Variants in RALGPS1 observed in about 807,000 individuals in gnomAD.
RALGPS1 encodes the protein Ral GEF with PH domain and SH3 binding motif 1.
Under a neutral mutation model 78.8 loss-of-function variants are expected in RALGPS1, and 19 were observed. The observed-to-expected ratio is 0.24, with a 90% confidence interval of 0.17 to 0.35. The LOEUF (loss-of-function observed/expected upper bound fraction) is 0.35, where lower values mean the gene tolerates loss of function less well. Among genes scored for constraint, RALGPS1 ranks in the 10% least tolerant of loss-of-function variants. The pLI is 1.00. For missense variants in RALGPS1, 454 were observed against 688.3 expected, an observed-to-expected ratio of 0.66 and a Z score of 3.81; for synonymous variants, 228 against 256.3, an observed-to-expected ratio of 0.89 and a Z score of 1.06.
At chr9:127,107,017 G>A (rs933394786) in intron 8 of RALGPS1, 2 of 152,222 alleles carry the variant, frequency 1.3e-5, no homozygotes, top group African/African-American at 4.8e-5. Flanking sequence ...GATGAACAAG[G>A]GGCTGAGCTT....
intron 5 of RALGPS1, among the ~76,000 whole-genome samples, chr9:127,036,853 A>G (rs971551249): frequency 3.9e-5 from 6 of 152,224 alleles, no homozygotes; most frequent in Admixed American, 3.9e-4. Flanking sequence ...TTCCTCCAGA[A>G]AACTGCAGAG....
At chr9:127,129,269 G>A (rs1404030810) in intron 8 of RALGPS1, among the ~76,000 whole-genome samples, 2 of 152,158 alleles carry the variant, frequency 1.3e-5, no homozygotes, top group Non-Finnish European at 2.9e-5. Context: ...TTGCTGGTTT[G>A]CTTTGTTTCT....
chr9:127,192,127 T>G (rs2061098439), intron 11 of RALGPS1, among the ~76,000 whole-genome samples: 1 of 152,200 alleles, frequency 6.6e-6, no homozygotes, highest in African/African-American at 2.4e-5. Flanking sequence ...GAAGCTGTGC[T>G]TGGGTTAGAT....
intron 4 of RALGPS1, chr9:126,978,151 C>G (rs139473181): frequency 1.9e-5 from 3 of 157,908 alleles, no homozygotes; most frequent in Non-Finnish European, 4.2e-5. Flanking sequence ...TTTTTGAAAC[C>G]AGTTGCCGAA....
chr9:127,150,192 C>G (rs2058339381), intron 8 of RALGPS1, among the ~76,000 whole-genome samples: 2 of 152,206 alleles, frequency 1.3e-5, no homozygotes, highest in Admixed American at 6.5e-5. Flanking sequence ...GGTCACCATT[C>G]CCAGCATTCT....
chr9:127,147,078 G>C (rs1487685358), intron 8 of RALGPS1, among the ~76,000 whole-genome samples: 1 of 152,110 alleles, frequency 6.6e-6, no homozygotes, highest in Non-Finnish European at 1.5e-5. Context: ...CATTCTGACT[G>C]GTGTGAAATG....
intron 8 of RALGPS1, among the ~76,000 whole-genome samples, chr9:127,120,536 G>T (rs2055939359): frequency 6.6e-6 from 1 of 152,190 alleles, no homozygotes; most frequent in Non-Finnish European, 1.5e-5. Context: ...AAGAATTTGG[G>T]TCTCTGGCCG....
At chr9:127,191,944 G>A (rs2789520) in intron 11 of RALGPS1, among the ~76,000 whole-genome samples, 78,995 of 151,856 alleles carry the variant, frequency 0.52, 21,045 homozygotes, top group South Asian at 0.73. Flanking sequence ...TGATCTGCCC[G>A]CCTCGGCCTC....
intron 4 of RALGPS1, among the ~76,000 whole-genome samples, chr9:127,027,686 T>G (rs1284137235): frequency 3.9e-5 from 6 of 152,208 alleles, no homozygotes; most frequent in African/African-American, 7.2e-5. Flanking sequence ...CCATAAACTA[T>G]GGCACATTTA....
intron 11 of RALGPS1, among the ~76,000 whole-genome samples, chr9:127,192,632 T>G (rs771541080): frequency 6.6e-6 from 1 of 152,042 alleles, no homozygotes; most frequent in Non-Finnish European, 1.5e-5. Flanking sequence ...CGCTCCATCC[T>G]GGGTGACAGG....
intron 8 of RALGPS1, chr9:127,088,594 C>T (rs541984631): frequency 3.2e-4 from 106 of 335,478 alleles, no homozygotes; most frequent in African/African-American, 2.0e-3. Flanking sequence ...GTGGTATACA[C>T]ATACGTGCAC....
chr9:126,952,766 G>A (rs751552777), intron 1 of RALGPS1, among the ~76,000 whole-genome samples: 2 of 152,028 alleles, frequency 1.3e-5, no homozygotes, highest in South Asian at 2.1e-4. Context: ...GGAGTAGACC[G>A]AACAGTTGTT....
At chr9:127,021,680 AC>A (rs936007972) in intron 4 of RALGPS1, among the ~76,000 whole-genome samples, 1 of 150,856 alleles carries the variant, frequency 6.6e-6, no homozygotes, top group Non-Finnish European at 1.5e-5. Context: ...TCGGAAAAAA[AC>A]ATTTCCCAAG....
At chr9:127,015,509 C>T (rs2044731925) in intron 4 of RALGPS1, among the ~76,000 whole-genome samples, 1 of 152,136 alleles carries the variant, frequency 6.6e-6, no homozygotes, top group African/African-American at 2.4e-5. Flanking sequence ...GGACTCTGTT[C>T]GCCTCTCAAA....
intron 1 of RALGPS1, among the ~76,000 whole-genome samples, chr9:126,948,417 G>A (rs1194175124): frequency 1.3e-5 from 2 of 152,004 alleles, no homozygotes; most frequent in Admixed American, 6.6e-5. Context: ...CTTGGGAGGC[G>A]GAGGCAGGAG....
intron 8 of RALGPS1, among the ~76,000 whole-genome samples, chr9:127,072,322 C>A (rs1285920946): frequency 6.6e-6 from 1 of 152,188 alleles, no homozygotes; most frequent in African/African-American, 2.4e-5. Flanking sequence ...AAGTGATCCT[C>A]CCGCCTCAGC....
At chr9:127,021,274 G>A (rs2045412867) in intron 4 of RALGPS1, among the ~76,000 whole-genome samples, 1 of 152,062 alleles carries the variant, frequency 6.6e-6, no homozygotes, top group South Asian at 2.1e-4. Context: ...GGCCGAGGCA[G>A]GTGGATCACT....
chr9:127,053,585 C>G (rs893284890), intron 7 of RALGPS1, among the ~76,000 whole-genome samples: 3 of 152,200 alleles, frequency 2.0e-5, no homozygotes. Context: ...CCTGGCCTGC[C>G]TGATCTGGGG....
chr9:127,030,695 G>A (rs2046356995), intron 4 of RALGPS1, among the ~76,000 whole-genome samples: 1 of 151,966 alleles, frequency 6.6e-6, no homozygotes, highest in African/African-American at 2.4e-5. Context: ...ATGCTAGCAG[G>A]AAGGAGAAAT....
Sources: gnomAD v4.1 joint callset for allele counts (sites outside exome capture counted in the v4.1 genomes callset) on GRCh38, gnomAD v4.1.1 for gene constraint, MANE v1.5 for transcripts, NCBI Gene and HGNC (gene_info 2026-07-23, HGNC 2026-07-21) for gene names.